ZNF804A: variants seen among roughly 807,000 people sequenced by gnomAD.
ZNF804A encodes zinc finger protein 804A.
A neutral mutation model predicts 16.5 loss-of-function variants in ZNF804A; 2 were observed. The ratio of observed to expected loss-of-function variants is 0.12; its 90% CI spans 0.05 to 0.38. The LOEUF is 0.38. Among genes scored for constraint, ZNF804A ranks in the 10% least tolerant of loss-of-function variants. The probability of loss-of-function intolerance (pLI) is 0.99; values close to 1 mark genes in which losing one functional copy is unlikely to be tolerated. For missense variants in ZNF804A, 1,473 were observed against 1,390.7 expected (o/e 1.06, Z -0.94); for synonymous variants, 534 against 489.6 (o/e 1.09, Z -1.20).
At chr2:184,720,282 C>T (rs1168066153) in intron 1 of ZNF804A, among the ~76,000 whole-genome samples, 1 of 152,150 alleles carries the variant, frequency 6.6e-6, no homozygotes, top group African/African-American at 2.4e-5. Flanking sequence ...CACAACCAAA[C>T]CATATCAACA....
intron 1 of ZNF804A, among the ~76,000 whole-genome samples, chr2:184,707,841 G>A (rs962127108): frequency 1.3e-5 from 2 of 151,856 alleles, no homozygotes; most frequent in African/African-American, 2.4e-5. Flanking sequence ...ATGGTAGTTC[G>A]AAGTTCTTTG....
intron 2 of ZNF804A, among the ~76,000 whole-genome samples, chr2:184,920,295 T>A (rs1027338854): frequency 6.6e-6 from 1 of 152,176 alleles, no homozygotes; most frequent in Non-Finnish European, 1.5e-5. Context: ...TTTTAAAACT[T>A]GCAGTTAAAG....
intron 1 of ZNF804A, among the ~76,000 whole-genome samples, chr2:184,725,952 C>A (rs115280215): frequency 2.8e-3 from 429 of 151,688 alleles, no homozygotes; most frequent in African/African-American, 0.01. Context: ...AAGGTGTTTG[C>A]ATTCATTTAG....
intron 1 of ZNF804A, among the ~76,000 whole-genome samples, chr2:184,847,328 G>T (rs547158283): frequency 6.6e-6 from 1 of 152,052 alleles, no homozygotes; most frequent in Admixed American, 6.6e-5. Flanking sequence ...GTAAAATTCT[G>T]TTCAGTATAT....
chr2:184,792,014 A>C (rs1694551786), intron 1 of ZNF804A, among the ~76,000 whole-genome samples: 1 of 152,144 alleles, frequency 6.6e-6, no homozygotes, highest in South Asian at 2.1e-4. Context: ...ATTTCCTCTT[A>C]GTGCTGATTA....
At chr2:184,902,349 G>C (rs1685200898) in intron 2 of ZNF804A, 1 of 154,928 alleles carries the variant, frequency 6.5e-6, no homozygotes, top group South Asian at 2.0e-4. Context: ...CTTGATGATG[G>C]CATAGTGGTC....
intron 1 of ZNF804A, among the ~76,000 whole-genome samples, chr2:184,771,641 A>G (rs1332479447): frequency 1.3e-5 from 2 of 151,946 alleles, no homozygotes; most frequent in African/African-American, 4.8e-5. Context: ...CTCATCTGTT[A>G]GATCAACTGG....
At chr2:184,757,370 A>C (rs896465620) in intron 1 of ZNF804A, among the ~76,000 whole-genome samples, 1 of 151,886 alleles carries the variant, frequency 6.6e-6, no homozygotes, top group South Asian at 2.1e-4. Context: ...CCTCTTAAAC[A>C]TGTGCAGGTT....
chr2:184,762,517 A>G (rs938997635), intron 1 of ZNF804A, among the ~76,000 whole-genome samples: 1 of 151,920 alleles, frequency 6.6e-6, no homozygotes, highest in African/African-American at 2.4e-5. Context: ...AATGGCAAAT[A>G]TTTGCCTACT....
chr2:184,674,789 C>A (rs1335076979), intron 1 of ZNF804A, among the ~76,000 whole-genome samples: 1 of 52,976 alleles, frequency 1.9e-5, no homozygotes, highest in Non-Finnish European at 6.3e-5. Flanking sequence ...TAAAATTTTC[C>A]AAGTCTAAAA....
At chr2:184,715,256 A>G (rs983063215) in intron 1 of ZNF804A, among the ~76,000 whole-genome samples, 17 of 152,204 alleles carry the variant, frequency 1.1e-4, no homozygotes, top group African/African-American at 3.9e-4. Context: ...TGACACAGAC[A>G]TAAGTTATTG....
intron 2 of ZNF804A, among the ~76,000 whole-genome samples, chr2:184,917,586 G>A (rs1037868426): frequency 1.7e-4 from 26 of 151,880 alleles, no homozygotes; most frequent in African/African-American, 5.6e-4. Flanking sequence ...TTCCCAAAAC[G>A]TATATTACAG....
chr2:184,838,121 T>C (rs1695382495), intron 1 of ZNF804A, among the ~76,000 whole-genome samples: 1 of 152,042 alleles, frequency 6.6e-6, no homozygotes, highest in Non-Finnish European at 1.5e-5. Context: ...AATAGCAGGT[T>C]GGAGTTTAAG....
intron 1 of ZNF804A, among the ~76,000 whole-genome samples, chr2:184,783,689 T>A (rs1238193834): frequency 6.6e-6 from 1 of 151,922 alleles, no homozygotes; most frequent in Non-Finnish European, 1.5e-5. Flanking sequence ...AATTTTAACA[T>A]CTCTTTAATC....
In ZNF804A at chr2:184,938,788, T is replaced by A; in HGVS notation, c.3392T>A (p.Phe1131Tyr). The A allele has an allele frequency of 6.2e-7, 1 of 1,613,556 alleles. No homozygotes were observed. The highest frequency in any genetic ancestry group is 8.5e-7 in the Non-Finnish European group (1 of 1,179,784). Residue 1131 changes from phenylalanine to tyrosine, a missense_variant, in exon 4 of 4, where the codon TTT becomes TAT. By Grantham distance (22) the Phe-to-Tyr change is conservative. Coordinates refer to ENST00000302277, the MANE Select transcript of ZNF804A (RefSeq NM_194250.2). ...TFKVLQPHQQ[F>Y]LSQIPALTRT... ...AAAGTGCTTCAGCCACACCAACAGT[T>A]TCTTTCCCAAATCCCAGCTCTCACC...
intron 1 of ZNF804A, among the ~76,000 whole-genome samples, chr2:184,791,791 A>G (rs1469330171): frequency 6.6e-6 from 1 of 152,162 alleles, no homozygotes; most frequent in Non-Finnish European, 1.5e-5. Flanking sequence ...ATCCACGGTA[A>G]TAGTATCACA....
intron 1 of ZNF804A, among the ~76,000 whole-genome samples, chr2:184,643,302 T>A (rs1691821434): frequency 6.6e-6 from 1 of 152,100 alleles, no homozygotes; most frequent in Non-Finnish European, 1.5e-5. Context: ...TCATATGGCC[T>A]TGGTCAAGTC....
chr2:184,922,754 G>A (rs1685549632), intron 2 of ZNF804A, among the ~76,000 whole-genome samples: 1 of 151,982 alleles, frequency 6.6e-6, no homozygotes, highest in Non-Finnish European at 1.5e-5. Flanking sequence ...CAAAAAATAG[G>A]AGTCTAATTT....
In ZNF804A at chr2:184,937,825, A is replaced by T. The variant is rs1685818343; in HGVS notation, c.2429A>T (p.Lys810Met). Residue 810 changes from lysine (K) to methionine (M), a missense_variant, in exon 4 of 4, where the codon AAG (lysine) becomes ATG (methionine). By Grantham distance (95) the Lys-to-Met change is moderately conservative. Transcript: ENST00000302277. ...STSVAPCKPK[K>M]KRRRKRGRFH... ...TCAGTTGCTCCCTGCAAGCCTAAAA[A>T]GAAACGGAGGCGAAAAAGAGGCAGA... 2 of 1,614,030 alleles carry T rather than the reference A, an allele frequency of 1.2e-6. No homozygotes were observed. Among genetic ancestry groups the T allele is most frequent in the African/African-American group, 2.7e-5 (2 of 74,938 alleles).
Sources: gnomAD v4.1 joint callset for allele counts (sites outside exome capture counted in the v4.1 genomes callset) on GRCh38, gnomAD v4.1.1 for gene constraint, MANE v1.5 for transcripts, NCBI Gene and HGNC (gene_info 2026-07-23, HGNC 2026-07-21) for gene names.